XYLT1: variants seen among roughly 807,000 people sequenced by gnomAD.
XYLT1 encodes beta-D-xylosyltransferase 1.
XYLT1 carries 36 observed loss-of-function variants against 91.3 expected under a neutral mutation model. The ratio of observed to expected loss-of-function variants is 0.39; its 90% CI spans 0.30 to 0.52. XYLT1 has a LOEUF of 0.52. Ranked by LOEUF, XYLT1 falls within the 20% of genes least tolerant of loss-of-function variation. XYLT1 has a pLI of 0.68. For synonymous variants in XYLT1, 588 were observed against 532.0 expected, an observed-to-expected ratio of 1.11 and a Z score of -1.45; for missense variants, 1,242 against 1,284.5, an observed-to-expected ratio of 0.97 and a Z score of 0.51.
At chr16:17,336,349 G>A (rs2034979126) in intron 2 of XYLT1, among the ~76,000 whole-genome samples, 1 of 152,198 alleles carries the variant, frequency 6.6e-6, no homozygotes, top group South Asian at 2.1e-4. Flanking sequence ...ATCTGATTCT[G>A]TTTTCTGTCA....
At chr16:17,310,180 C>G (rs2034525645) in intron 2 of XYLT1, among the ~76,000 whole-genome samples, 1 of 152,242 alleles carries the variant, frequency 6.6e-6, no homozygotes, top group Admixed American at 6.5e-5. Flanking sequence ...TTCCCTCCAG[C>G]CCTACTTTTC....
At chr16:17,468,659 C>A (rs1303346161) in intron 1 of XYLT1, among the ~76,000 whole-genome samples, 1 of 152,126 alleles carries the variant, frequency 6.6e-6, no homozygotes, top group Non-Finnish European at 1.5e-5. Context: ...ATGCCGGGGA[C>A]CTATGAAGAA....
At chr16:17,258,519 A>C (rs1459081753) in intron 3 of XYLT1, among the ~76,000 whole-genome samples, 1 of 151,994 alleles carries the variant, frequency 6.6e-6, no homozygotes, top group African/African-American at 2.4e-5. Context: ...GAAGAAAGAG[A>C]AGAGAAGAGG....
At chr16:17,228,961 T>C (rs1409239032) in intron 3 of XYLT1, among the ~76,000 whole-genome samples, 1 of 151,892 alleles carries the variant, frequency 6.6e-6, no homozygotes, top group African/African-American at 2.4e-5. Flanking sequence ...TCCAGATCTG[T>C]TTGATTTCCT....
intron 2 of XYLT1, among the ~76,000 whole-genome samples, chr16:17,339,921 ATCCATCC>A (rs1330476740): frequency 2.0e-5 from 3 of 150,432 alleles, no homozygotes; most frequent in Admixed American, 2.0e-4. Context: ...CCATCCATTC[ATCCATCC>A]TCCATCCATC....
intron 2 of XYLT1, among the ~76,000 whole-genome samples, chr16:17,277,024 T>A (rs2033987675): frequency 6.6e-6 from 1 of 152,208 alleles, no homozygotes; most frequent in African/African-American, 2.4e-5. Context: ...CACAGATATT[T>A]ACTGAGTGCC....
At chr16:17,131,520 A>G (rs2030476155) in intron 9 of XYLT1, among the ~76,000 whole-genome samples, 1 of 152,170 alleles carries the variant, frequency 6.6e-6, no homozygotes, top group African/African-American at 2.4e-5. Flanking sequence ...CCCACCCTGC[A>G]GGGGGCACAC....
At chr16:17,366,429 G>A (rs2035454914) in intron 1 of XYLT1, among the ~76,000 whole-genome samples, 1 of 152,228 alleles carries the variant, frequency 6.6e-6, no homozygotes, top group African/African-American at 2.4e-5. Flanking sequence ...CTGTCTGGGT[G>A]TTGTGGCTCA....
chr16:17,107,213 A>G lies in XYLT1; in HGVS notation c.*1482T>C, dbSNP rs1455873773. 6.6e-6 allele frequency: 1 copy of G among 152,216 alleles called. No homozygotes were observed. Among genetic ancestry groups the G allele is most frequent in the African/African-American group, 2.4e-5 (1 of 41,460 alleles). 9.4% of individuals were successfully genotyped at this position (152,216 alleles called of 1,614,324 possible). On this transcript the variant is annotated 3_prime_UTR_variant, in exon 12 of 12. Coordinates refer to ENST00000261381, the MANE Select transcript of XYLT1 (RefSeq NM_022166.4). ...AACACATCTGGCTAGGATTAGGACAAGTCACACAAAGCGAAGGGCAGCCCC... is the reference window on the plus strand; with the variant it reads ...AACACATCTGGCTAGGATTAGGACAGGTCACACAAAGCGAAGGGCAGCCCC...
At chr16:17,361,071 A>G (rs899677259) in intron 1 of XYLT1, among the ~76,000 whole-genome samples, 1 of 152,164 alleles carries the variant, frequency 6.6e-6, no homozygotes, top group Non-Finnish European at 1.5e-5. Flanking sequence ...GTGACTCGAC[A>G]GTTCTTTACT....
chr16:17,325,364 G>A (rs2034784224), intron 2 of XYLT1, among the ~76,000 whole-genome samples: 1 of 152,208 alleles, frequency 6.6e-6, no homozygotes, highest in Non-Finnish European at 1.5e-5. Context: ...TGGTGCCACT[G>A]CACTCTAGCC....
chr16:17,247,156 T>TTCATTC (rs2033448686), intron 3 of XYLT1, among the ~76,000 whole-genome samples: 8 of 125,582 alleles, frequency 6.4e-5, no homozygotes, highest in African/African-American at 2.1e-4. Context: ...TTCATTCATT[T>TTCATTC]ATTCATTCAC....
chr16:17,428,800 T>C (rs956956780), intron 1 of XYLT1, among the ~76,000 whole-genome samples: 25 of 152,222 alleles, frequency 1.6e-4, no homozygotes, highest in Admixed American at 1.2e-3. Context: ...AAAAGGTTCC[T>C]GATTAACAAT....
intron 1 of XYLT1, among the ~76,000 whole-genome samples, chr16:17,361,632 G>A (rs2035383599): frequency 6.6e-6 from 1 of 152,140 alleles, no homozygotes; most frequent in South Asian, 2.1e-4. Context: ...ATCAAGCAAG[G>A]AAATAAGTGA....
At chr16:17,127,171 TC>T (rs1393789371) in intron 10 of XYLT1, among the ~76,000 whole-genome samples, 2 of 152,182 alleles carry the variant, frequency 1.3e-5, no homozygotes, top group Non-Finnish European at 2.9e-5. Flanking sequence ...CATCTACTCA[TC>T]TAATCATATA....
intron 5 of XYLT1, among the ~76,000 whole-genome samples, chr16:17,188,634 C>T (rs1191094337): frequency 6.6e-6 from 1 of 152,188 alleles, no homozygotes; most frequent in Non-Finnish European, 1.5e-5. Flanking sequence ...ATCCTTCATT[C>T]CTTTTTTTCA....
chr16:17,388,920 C>A (rs2035781738), intron 1 of XYLT1, among the ~76,000 whole-genome samples: 1 of 152,136 alleles, frequency 6.6e-6, no homozygotes, highest in Non-Finnish European at 1.5e-5. Flanking sequence ...GGTGATCAAG[C>A]ATGTTGTTCT....
At position 17,443,120 on chromosome 16, in the gene XYLT1, A is replaced by G. The variant is rs565763856; in HGVS notation, c.363+27314T>C. On this transcript the variant is annotated intron_variant, in intron 1 of 11. Coordinates refer to ENST00000261381, the MANE Select transcript of XYLT1 (RefSeq NM_022166.4). Reference sequence around the variant, plus strand: ...ATGCTTTTGTAAAATAAGTATGAAAATTGTAGTTACCTCACAGGGTGGCAG... The same window carrying G: ...ATGCTTTTGTAAAATAAGTATGAAAGTTGTAGTTACCTCACAGGGTGGCAG... Among the ~76,000 whole-genome samples the G allele has an allele frequency of 2.0e-5, 3 of 152,278 alleles. No homozygotes were observed. The East Asian group carries it at 5.8e-4, about 29-fold the overall frequency.
intron 2 of XYLT1, among the ~76,000 whole-genome samples, chr16:17,263,418 C>A (rs1439924863): frequency 2.0e-5 from 3 of 152,080 alleles, no homozygotes; most frequent in Non-Finnish European, 4.4e-5. Flanking sequence ...TCAAGACAGG[C>A]CACCACAATG....
Sources: gnomAD v4.1 joint callset for allele counts (sites outside exome capture counted in the v4.1 genomes callset) on GRCh38, gnomAD v4.1.1 for gene constraint, MANE v1.5 for transcripts, NCBI Gene and HGNC (gene_info 2026-07-23, HGNC 2026-07-21) for gene names.